Variants in ANKS1B observed in about 807,000 individuals in gnomAD.
ANKS1B encodes the protein ankyrin repeat and sterile alpha motif domain-containing protein 1B.
In ANKS1B, 36 loss-of-function variants were observed where a neutral mutation model predicts 148.3. That is an observed-to-expected ratio of 0.24 (90% CI 0.19 to 0.32). The LOEUF is 0.32. ANKS1B is among the 10% of genes least tolerant of loss of function. ANKS1B has a pLI of 1.00. For missense variants in ANKS1B, 1,157 were observed against 1,542.6 expected (o/e 0.75, Z 4.19); for synonymous variants, 542 against 560.8 (o/e 0.97, Z 0.47).
intron 1 of ANKS1B, among the ~76,000 whole-genome samples, chr12:99,911,100 T>A (rs1359587028): frequency 6.6e-6 from 1 of 152,150 alleles, no homozygotes; most frequent in Non-Finnish European, 1.5e-5. Flanking sequence ...AAACTGAGAT[T>A]TAGGGTGGTG....
At chr12:99,187,707 A>C (rs912853141) in intron 14 of ANKS1B, among the ~76,000 whole-genome samples, 2 of 152,204 alleles carry the variant, frequency 1.3e-5, no homozygotes, top group South Asian at 2.1e-4. Flanking sequence ...TAAACATGGA[A>C]AGGAACAACC....
At chr12:98,783,758 A>AG (rs1231325438) in intron 22 of ANKS1B, among the ~76,000 whole-genome samples, 1 of 152,166 alleles carries the variant, frequency 6.6e-6, no homozygotes, top group Non-Finnish European at 1.5e-5. Flanking sequence ...TAGGTTTGGA[A>AG]GGTTGTGACT....
intron 24 of ANKS1B, among the ~76,000 whole-genome samples, chr12:98,775,581 A>C (rs539968644): frequency 1.3e-5 from 2 of 150,968 alleles, no homozygotes; most frequent in African/African-American, 4.9e-5. Context: ...AGTAGCTGGG[A>C]CTACAGGCAT....
intron 17 of ANKS1B, among the ~76,000 whole-genome samples, chr12:99,037,500 A>G (rs78549258): frequency 7.7e-6 from 1 of 129,844 alleles, no homozygotes; most frequent in Non-Finnish European, 1.5e-5. Context: ...GCTCTGTCTC[A>G]AAAAAAAAAA....
chr12:99,916,671 G>A (rs2094181032), intron 1 of ANKS1B, among the ~76,000 whole-genome samples: 1 of 152,128 alleles, frequency 6.6e-6, no homozygotes, highest in Admixed American at 6.5e-5. Flanking sequence ...GAATATTTTG[G>A]CCAGGTGGAA....
chr12:99,777,407 G>A (rs539217925), intron 6 of ANKS1B, among the ~76,000 whole-genome samples: 33 of 151,774 alleles, frequency 2.2e-4, no homozygotes, highest in Admixed American at 5.2e-4. Flanking sequence ...CCATTTAGGA[G>A]AGCAAAGATA....
chr12:99,678,921 C>CA (rs1467031736), intron 8 of ANKS1B, among the ~76,000 whole-genome samples: 2 of 151,524 alleles, frequency 1.3e-5, no homozygotes, highest in African/African-American at 2.4e-5. Context: ...AGAGGACACA[C>CA]AAAAAAATGG....
chr12:99,034,968 T>C (rs1044449751), intron 17 of ANKS1B, among the ~76,000 whole-genome samples: 2 of 152,110 alleles, frequency 1.3e-5, no homozygotes, highest in African/African-American at 4.8e-5. Context: ...GTTTGGGCGA[T>C]GAGGAAGGCC....
At chr12:99,681,799 A>G (rs1421009916) in intron 8 of ANKS1B, among the ~76,000 whole-genome samples, 1 of 152,192 alleles carries the variant, frequency 6.6e-6, no homozygotes, top group Non-Finnish European at 1.5e-5. Flanking sequence ...ACCCCCAAAG[A>G]TCACATTAGC....
intron 8 of ANKS1B, among the ~76,000 whole-genome samples, chr12:99,663,439 A>G (rs1448143557): frequency 1.3e-5 from 2 of 152,126 alleles, no homozygotes; most frequent in African/African-American, 4.8e-5. Context: ...TTACCTTGCA[A>G]GGCTACCCTA....
At chr12:99,291,811 T>C (rs11503413) in intron 12 of ANKS1B, among the ~76,000 whole-genome samples, 2,211 of 152,042 alleles carry the variant, frequency 0.015, 57 homozygotes, top group African/African-American at 0.051. Flanking sequence ...AAAACAGATA[T>C]ATAGACCAAT....
At chr12:99,799,150 G>C (rs759886216) in intron 4 of ANKS1B, among the ~76,000 whole-genome samples, 6 of 152,008 alleles carry the variant, frequency 3.9e-5, no homozygotes, top group Non-Finnish European at 7.4e-5. Flanking sequence ...CACATAGTAG[G>C]CACTCAATAA....
intron 10 of ANKS1B, among the ~76,000 whole-genome samples, chr12:99,452,876 T>C (rs1426620691): frequency 2.0e-5 from 3 of 152,202 alleles, no homozygotes; most frequent in East Asian, 1.9e-4. Flanking sequence ...CTTTACCAGA[T>C]GAAATGTGTG....
intron 19 of ANKS1B, among the ~76,000 whole-genome samples, chr12:98,809,853 A>G (rs995512221): frequency 6.6e-6 from 1 of 152,124 alleles, no homozygotes; most frequent in Admixed American, 6.5e-5. Context: ...CCTCTTTTTC[A>G]TGGTTTAGAC....
At position 99,504,640 on chromosome 12, in the gene ANKS1B, T is replaced by C. The variant is rs754792204; in HGVS notation, c.1274A>G (p.Glu425Gly). The C allele has an allele frequency of 7.8e-6, 12 of 1,538,634 alleles. No individual in the cohort carries two copies. The highest frequency in any genetic ancestry group is 1.0e-5 in the Non-Finnish European group (12 of 1,143,524). Residue 425 changes from glutamate (E) to glycine (G), a missense_variant and splice_region_variant, in exon 10 of 27, where the codon GAG (glutamate) becomes GGG (glycine). This residue lies in a region of ANKS1B where 661 missense variants were observed against 642.1 expected (regional missense o/e 1.03). Coordinates refer to ENST00000683438, the MANE Select transcript of ANKS1B (RefSeq NM_001352186.2). ...RNLGFPMLAQ[E>G]SYPKKRNYTM... is the part of the protein sequence containing the mutation. ...GTAATTTCTCTTCTTTGGATAGGAC[T>C]CCTGAAAAGAAGAAAAAATAAAAAC...
At chr12:98,960,345 T>C (rs1388843870) in intron 17 of ANKS1B, among the ~76,000 whole-genome samples, 1 of 152,176 alleles carries the variant, frequency 6.6e-6, no homozygotes, top group Non-Finnish European at 1.5e-5. Flanking sequence ...CAAGAGCCTA[T>C]GTCTGGAAAT....
rs543951250 is a variant in ANKS1B, at chr12:99,548,665, G to C, written c.1273-44024C>G. On this transcript the variant is annotated intron_variant, in intron 9 of 26. Coordinates refer to ENST00000683438, the MANE Select transcript of ANKS1B (RefSeq NM_001352186.2). ...AGAAGAAATTTTGAAGCCAGAAAAA[G>C]AGAGGGTAGTAGAAATTTGAAAAAG... Among the ~76,000 whole-genome samples, 3 of 152,176 alleles carry C rather than the reference G, an allele frequency of 2.0e-5. No homozygotes were observed. The South Asian group carries it at 6.2e-4, about 32-fold the overall frequency.
intron 4 of ANKS1B, among the ~76,000 whole-genome samples, chr12:99,797,989 CA>C (rs1303748551): frequency 6.6e-6 from 1 of 151,742 alleles, no homozygotes; most frequent in Admixed American, 6.6e-5. Flanking sequence ...ATATTTTATC[CA>C]AAATTTCTAG....
intron 15 of ANKS1B, among the ~76,000 whole-genome samples, chr12:99,131,999 C>T (rs2066248050): frequency 6.6e-6 from 1 of 152,116 alleles, no homozygotes. Flanking sequence ...TCTTCTTCTG[C>T]TCCTCCCCTC....
Sources: allele counts gnomAD v4.1 joint callset (sites outside exome capture counted in the v4.1 genomes callset), GRCh38; gene constraint gnomAD v4.1.1; regional missense constraint gnomAD v4.1.1; transcripts MANE v1.5; gene names NCBI Gene and HGNC (gene_info 2026-07-23, HGNC 2026-07-21).